The following KAZN variants were observed in gnomAD, a reference collection of about 807,000 sequenced individuals.
The protein encoded by KAZN is kazrin.
Under a neutral mutation model 87.4 loss-of-function variants are expected in KAZN, and 40 were observed. That is an observed-to-expected ratio of 0.46 (90% CI 0.36 to 0.60). The LOEUF (loss-of-function observed/expected upper bound fraction) is 0.60. Among genes scored for constraint, KAZN ranks in the 20% least tolerant of loss-of-function variants. The pLI is 0.00. For missense variants in KAZN, 898 were observed against 1,073.9 expected (o/e 0.84, Z 2.29); for synonymous variants, 466 against 458.3 (o/e 1.02, Z -0.22).
intron 2 of KAZN, among the ~76,000 whole-genome samples, chr1:14,324,558 C>T (rs1557640120): frequency 2.0e-5 from 3 of 152,058 alleles, no homozygotes; most frequent in Non-Finnish European, 2.9e-5. Context: ...CTAGAGAGGG[C>T]CATGTGTCAC....
At position 15,056,260 on chromosome 1, in the gene KAZN, C is replaced by T; in HGVS notation, c.896C>T (p.Pro299Leu). 6.2e-7 allele frequency: 1 copy of T among 1,608,872 alleles called. No individual in the cohort carries two copies. Among genetic ancestry groups the T allele is most frequent in the Non-Finnish European group, 8.5e-7 (1 of 1,175,826 alleles). ...CAGACTCTCTACCACTCACACCCCCCTCACCCTGCGGACCGGCAAGGTGAG... is the reference window on the plus strand; with the variant it reads ...CAGACTCTCTACCACTCACACCCCCTTCACCCTGCGGACCGGCAAGGTGAG... ...SQQTLYHSHPPHPADRQAVRV... is the reference protein window; with the variant it reads ...SQQTLYHSHPLHPADRQAVRV... The change falls in exon 5 of 15, where the codon CCT becomes CTT. Residue 299 changes from proline to leucine, a missense_variant. By Grantham distance (98) the Pro-to-Leu change is moderately conservative. Coordinates refer to ENST00000376030, the MANE Select transcript of KAZN (RefSeq NM_201628.3). The surrounding 1 kb of genome is among the most constrained non-coding windows in gnomAD (Gnocchi z 5.4).
chr1:14,395,813 A>G (rs893309549), intron 2 of KAZN, among the ~76,000 whole-genome samples: 8 of 152,160 alleles, frequency 5.3e-5, no homozygotes, highest in Non-Finnish European at 1.2e-4. Context: ...GGCACCAAAC[A>G]GGAGTGGCAC....
intron 1 of KAZN, among the ~76,000 whole-genome samples, chr1:14,936,033 A>G (rs1660417332): frequency 6.6e-6 from 1 of 152,198 alleles, no homozygotes; most frequent in Non-Finnish European, 1.5e-5. Context: ...CCTGGACGAC[A>G]TCCGCCCATC....
At chr1:13,893,411 T>A in exon 1 of KAZN, 2 of 420,516 alleles carry the variant, frequency 4.8e-6, no homozygotes, top group Non-Finnish European at 8.1e-6. Context: ...TTCTTTTGCA[T>A]GGAACTGCTG....
chr1:14,821,371 G>T (rs1179558395), intron 1 of KAZN, among the ~76,000 whole-genome samples: 1 of 150,988 alleles, frequency 6.6e-6, no homozygotes, highest in Non-Finnish European at 1.5e-5. Flanking sequence ...AAACAAATTA[G>T]CCAGGTGTTG....
chr1:13,935,252 G>GTAGTAGTAATAATAATAATAATAATAA lies in KAZN; in HGVS notation c.91+41498_91+41499insGTAGTAATAATAATAATAATAATAATA, dbSNP rs1553175647. Among the ~76,000 whole-genome samples, 437 of 147,078 alleles carry GTAGTAGTAATAATAATAATAATAATAA rather than the reference G, an allele frequency of 3.0e-3. 3 individuals are homozygous for GTAGTAGTAATAATAATAATAATAATAA. Among genetic ancestry groups the GTAGTAGTAATAATAATAATAATAATAA allele is most frequent in the African/African-American group, 0.01 (419 of 40,040 alleles). On this transcript the variant is annotated intron_variant, in intron 1 of 16. Transcript: ENST00000636203. ...AACTCCGTATCAAATAGTAGTAGTA[G>GTAGTAGTAATAATAATAATAATAATAA]TAATAATAATAATAATAAGCCTTCA... is the stretch of plus-strand genomic sequence containing the variant.
intron 1 of KAZN, among the ~76,000 whole-genome samples, chr1:14,610,348 G>A (rs973929876): frequency 3.3e-5 from 5 of 152,112 alleles, no homozygotes; most frequent in East Asian, 1.9e-4. Context: ...GCTGGGACAC[G>A]AGTGGCTGGG....
chr1:14,238,103 T>C (rs746226281), intron 2 of KAZN, among the ~76,000 whole-genome samples: 3 of 152,226 alleles, frequency 2.0e-5, no homozygotes, highest in Non-Finnish European at 4.4e-5. Flanking sequence ...GTACAATTCA[T>C]GGTGTTGAGT....
At chr1:14,791,744 A>T (rs1721827) in intron 1 of KAZN, among the ~76,000 whole-genome samples, 2,509 of 152,266 alleles carry the variant, frequency 0.016, 40 homozygotes, top group African/African-American at 0.042. Context: ...TGCAGAGAGC[A>T]GCTCCCGGCC....
intron 1 of KAZN, among the ~76,000 whole-genome samples, chr1:14,131,597 C>T (rs7535589): frequency 0.57 from 86,609 of 151,508 alleles, 25,996 homozygotes; most frequent in East Asian, 0.76. Context: ...TGTGAGGCGG[C>T]GCTAATGGTT....
intron 1 of KAZN, among the ~76,000 whole-genome samples, chr1:14,728,419 T>C (rs1643521171): frequency 6.6e-6 from 1 of 151,810 alleles, no homozygotes; most frequent in Non-Finnish European, 1.5e-5. Flanking sequence ...CTCACTCACC[T>C]GCCGCTCACC....
At chr1:14,421,362 G>T (rs1274313765) in intron 2 of KAZN, among the ~76,000 whole-genome samples, 1 of 152,078 alleles carries the variant, frequency 6.6e-6, no homozygotes, top group East Asian at 1.9e-4. Context: ...TTTCTTGGGG[G>T]TGCTATGCTC....
chr1:14,675,085 G>T (rs1178054127), intron 1 of KAZN, among the ~76,000 whole-genome samples: 1 of 152,224 alleles, frequency 6.6e-6, no homozygotes. Context: ...GTCTCGTGGT[G>T]TTAGTTATTT....
intron 1 of KAZN, among the ~76,000 whole-genome samples, chr1:14,096,668 C>T (rs559443693): frequency 3.3e-5 from 5 of 152,304 alleles, no homozygotes; most frequent in Admixed American, 2.6e-4. Context: ...TAGGAGAGGG[C>T]ACTTGAGTTC....
chr1:14,148,301 TCTC>T (rs1645397139), intron 1 of KAZN, among the ~76,000 whole-genome samples: 1 of 152,198 alleles, frequency 6.6e-6, no homozygotes, highest in Non-Finnish European at 1.5e-5. Context: ...TCATCCCTGT[TCTC>T]TTCTTTCTCT....
intron 1 of KAZN, among the ~76,000 whole-genome samples, chr1:14,948,364 G>A (rs911433872): frequency 2.2e-4 from 33 of 152,298 alleles, no homozygotes; most frequent in African/African-American, 7.9e-4. Context: ...CAAGACAGCT[G>A]CCAGCAACTC....
intron 1 of KAZN, among the ~76,000 whole-genome samples, chr1:13,907,008 T>C (rs1378685401): frequency 6.6e-6 from 1 of 152,214 alleles, no homozygotes; most frequent in Non-Finnish European, 1.5e-5. Context: ...CTCCAGGTAA[T>C]GCGTGGAGTG....
At chr1:14,903,625 T>C (rs1656177879) in intron 1 of KAZN, among the ~76,000 whole-genome samples, 1 of 152,244 alleles carries the variant, frequency 6.6e-6, no homozygotes, top group South Asian at 2.1e-4. Context: ...AAGATAGGGA[T>C]GATGTGAGAA....
At chr1:14,601,485 T>C (rs1291681369) in intron 1 of KAZN, among the ~76,000 whole-genome samples, 1 of 152,204 alleles carries the variant, frequency 6.6e-6, no homozygotes, top group Non-Finnish European at 1.5e-5. Flanking sequence ...GTTTTTGTTT[T>C]TTTCATAGCC....
Sources: allele counts gnomAD v4.1 joint callset (sites outside exome capture counted in the v4.1 genomes callset), GRCh38; gene constraint gnomAD v4.1.1; non-coding constraint Gnocchi (gnomAD v3.1); transcripts MANE v1.5; gene names NCBI Gene and HGNC (gene_info 2026-07-23, HGNC 2026-07-21).